Variants in CDH18 observed in about 807,000 individuals in gnomAD.
The protein encoded by CDH18 is cadherin 18, also known as cadherin-18.
Under a neutral mutation model 67.9 loss-of-function variants are expected in CDH18, and 31 were observed. The observed-to-expected ratio is 0.46, with a 90% CI of 0.34 to 0.62. CDH18 has a LOEUF of 0.62. Among genes scored for constraint, CDH18 ranks in the 20% least tolerant of loss-of-function variants. The pLI is 0.01. For missense variants in CDH18, 890 were observed against 975.5 expected (o/e 0.91, Z 1.17); for synonymous variants, 362 against 347.2 (o/e 1.04, Z -0.48).
At chr5:20,561,614 A>G (rs943616029) in intron 1 of CDH18, among the ~76,000 whole-genome samples, 1 of 152,080 alleles carries the variant, frequency 6.6e-6, no homozygotes, top group Non-Finnish European at 1.5e-5. Flanking sequence ...CGAATAGGTC[A>G]AGCATAGAAG....
At chr5:20,153,426 T>C (rs929127940) in intron 2 of CDH18, among the ~76,000 whole-genome samples, 1 of 152,154 alleles carries the variant, frequency 6.6e-6, no homozygotes, top group Non-Finnish European at 1.5e-5. Flanking sequence ...TCACAATCAC[T>C]TAATTTACCA....
At chr5:19,525,467 T>C (rs1747615474) in intron 9 of CDH18, among the ~76,000 whole-genome samples, 1 of 152,208 alleles carries the variant, frequency 6.6e-6, no homozygotes, top group African/African-American at 2.4e-5. Context: ...AATTTAATCT[T>C]ACCTTATTGA....
intron 1 of CDH18, among the ~76,000 whole-genome samples, chr5:20,367,339 G>A (rs1384394665): frequency 3.9e-5 from 6 of 152,042 alleles, no homozygotes; most frequent in African/African-American, 1.4e-4. Context: ...TAATGCCAGA[G>A]GAGAGGTTCA....
chr5:20,208,027 C>G (rs1014341191), intron 2 of CDH18, among the ~76,000 whole-genome samples: 1 of 152,066 alleles, frequency 6.6e-6, no homozygotes, highest in African/African-American at 2.4e-5. Context: ...TTAAAGCCAA[C>G]TTATTTTCAA....
intron 1 of CDH18, among the ~76,000 whole-genome samples, chr5:19,983,221 A>G (rs1457288590): frequency 6.6e-6 from 1 of 152,066 alleles, no homozygotes; most frequent in African/African-American, 2.4e-5. Flanking sequence ...GTAGACTGAA[A>G]ATAATTGGAT....
chr5:19,626,428 T>A (rs1456617449), intron 5 of CDH18, among the ~76,000 whole-genome samples: 2 of 152,108 alleles, frequency 1.3e-5, no homozygotes, highest in Non-Finnish European at 2.9e-5. Flanking sequence ...AGGATAGAGG[T>A]TAACCAAGTG....
At chr5:19,488,894 G>A (rs1224788908) in intron 11 of CDH18, among the ~76,000 whole-genome samples, 2 of 151,806 alleles carry the variant, frequency 1.3e-5, no homozygotes, top group Admixed American at 1.3e-4. Flanking sequence ...CTCCATTTTC[G>A]GACTCTGGAT....
intron 1 of CDH18, among the ~76,000 whole-genome samples, chr5:20,497,788 T>TA (rs1360627114): frequency 2.0e-5 from 3 of 152,194 alleles, no homozygotes; most frequent in East Asian, 1.9e-4. Context: ...TTATTAAATA[T>TA]AAAAAAAGCA....
intron 5 of CDH18, among the ~76,000 whole-genome samples, chr5:19,702,260 T>C (rs985397867): frequency 6.7e-6 from 1 of 149,338 alleles, no homozygotes; most frequent in African/African-American, 2.5e-5. Context: ...GCGATTCTCC[T>C]GCCTCAGCCT....
At chr5:20,060,216 G>A (rs1358267377) in intron 2 of CDH18, among the ~76,000 whole-genome samples, 1 of 152,056 alleles carries the variant, frequency 6.6e-6, no homozygotes, top group Non-Finnish European at 1.5e-5. Flanking sequence ...TGTAATCCCA[G>A]CACCTTGGGA....
At position 20,396,045 on chromosome 5, in the gene CDH18, G is replaced by A. The variant is rs369063145; in HGVS notation, c.-579-140540C>T. 3.3e-5 allele frequency among the ~76,000 whole-genome samples: 5 copies of A among 152,110 alleles called. No individual in the cohort carries two copies. The East Asian group carries it at 5.8e-4, about 18-fold the overall frequency. On this transcript the variant is annotated intron_variant, in intron 1 of 14. Coordinates refer to the CDH18 transcript ENST00000507958. ...ATAAATAGTTACATATAAATAAGGC[G>A]TTTTCCTAAGTTCTGTGAGCCACTC...
At chr5:20,463,856 C>G (rs1429168663) in intron 1 of CDH18, among the ~76,000 whole-genome samples, 2 of 151,960 alleles carry the variant, frequency 1.3e-5, no homozygotes, top group African/African-American at 4.8e-5. Flanking sequence ...GATAGTGAAG[C>G]TAGGGGAAGG....
rs66526641 is a variant in CDH18, at chr5:20,183,407, TA to T, written c.-518+72036del. ...GACTTTAATAATAATTCAACTTGAC[TA>T]ATAAAATTTTAATAAATTACACATT... is the stretch of plus-strand genomic sequence containing the variant. On this transcript the variant is annotated intron_variant, in intron 2 of 14. Transcript: ENST00000507958. Among the ~76,000 whole-genome samples, 959 of 152,158 alleles carry T rather than the reference TA, an allele frequency of 6.3e-3. 9 individuals carry two copies. Among genetic ancestry groups the T allele is most frequent in the African/African-American group, 0.02 (834 of 41,552 alleles).
chr5:19,955,903 T>C (rs1579786527), intron 2 of CDH18, among the ~76,000 whole-genome samples: 1 of 151,996 alleles, frequency 6.6e-6, no homozygotes, highest in Non-Finnish European at 1.5e-5. Flanking sequence ...TGAAAATACA[T>C]ACATTACAAG....
intron 1 of CDH18, among the ~76,000 whole-genome samples, chr5:20,322,435 G>GACATATAT (rs2150009094): frequency 6.6e-6 from 1 of 152,232 alleles, no homozygotes; most frequent in East Asian, 1.9e-4. Flanking sequence ...TTGTCAAGCA[G>GACATATAT]ATATGAGGAG....
chr5:20,266,937 G>T (rs1745088235), intron 1 of CDH18, among the ~76,000 whole-genome samples: 1 of 152,056 alleles, frequency 6.6e-6, no homozygotes, highest in African/African-American at 2.4e-5. Flanking sequence ...TGCATAATAT[G>T]TTCATTTTGG....
At chr5:19,782,002 T>G (rs1181551124) in intron 3 of CDH18, among the ~76,000 whole-genome samples, 1 of 152,148 alleles carries the variant, frequency 6.6e-6, no homozygotes, top group Non-Finnish European at 1.5e-5. Flanking sequence ...AAAAATCTAT[T>G]TTCAATTTAA....
chr5:20,431,238 C>T (rs1244263919), intron 1 of CDH18, among the ~76,000 whole-genome samples: 1 of 151,962 alleles, frequency 6.6e-6, no homozygotes, highest in Non-Finnish European at 1.5e-5. Context: ...CCCCTGTAAT[C>T]CCAGCACTTT....
chr5:20,338,888 A>G (rs1740010851), intron 1 of CDH18, among the ~76,000 whole-genome samples: 1 of 152,180 alleles, frequency 6.6e-6, no homozygotes, highest in Non-Finnish European at 1.5e-5. Flanking sequence ...AGACACCAAC[A>G]GTGGAGAGCT....
Sources: allele counts gnomAD v4.1 joint callset (sites outside exome capture counted in the v4.1 genomes callset), GRCh38; gene constraint gnomAD v4.1.1; transcripts MANE v1.5; gene names NCBI Gene and HGNC (gene_info 2026-07-23, HGNC 2026-07-21).